Variants in ADARB2 observed in about 807,000 individuals in gnomAD.
ADARB2 encodes adenosine deaminase RNA specific B2 (inactive), also known as inactive double-stranded RNA-specific editase B2.
Under a neutral mutation model 62.2 loss-of-function variants are expected in ADARB2, and 25 were observed. The ratio of observed to expected loss-of-function variants is 0.40; its 90% CI spans 0.29 to 0.56. The LOEUF (loss-of-function observed/expected upper bound fraction) is 0.56. Among genes scored for constraint, ADARB2 ranks in the 20% least tolerant of loss-of-function variants. The pLI is 0.43. For missense variants in ADARB2, 1,071 were observed against 1,077.4 expected (o/e 0.99, Z 0.08); for synonymous variants, 572 against 500.8 (o/e 1.14, Z -1.90).
intron 3 of ADARB2, among the ~76,000 whole-genome samples, chr10:1,328,664 C>T (rs763309488): frequency 6.6e-6 from 1 of 152,236 alleles, no homozygotes; most frequent in African/African-American, 2.4e-5. Context: ...CAGAGCTTGG[C>T]ATGTAAAACT....
At chr10:1,473,926 G>C (rs553822392) in intron 1 of ADARB2, among the ~76,000 whole-genome samples, 4 of 152,244 alleles carry the variant, frequency 2.6e-5, no homozygotes, top group Non-Finnish European at 2.9e-5. Flanking sequence ...GGCCGATTAC[G>C]GAGGAGCCCT....
chr10:1,456,121 A>G (rs1831092367), intron 1 of ADARB2, among the ~76,000 whole-genome samples: 1 of 152,224 alleles, frequency 6.6e-6, no homozygotes, highest in South Asian at 2.1e-4. Flanking sequence ...AAGATTTAAG[A>G]TCAATGAAAC....
intron 1 of ADARB2, among the ~76,000 whole-genome samples, chr10:1,683,769 CT>C (rs1274927003): frequency 6.6e-6 from 1 of 152,204 alleles, no homozygotes; most frequent in Non-Finnish European, 1.5e-5. Context: ...GAAATTGTAG[CT>C]TGGAAATGAT....
chr10:1,578,170 G>A (rs1244100334), intron 1 of ADARB2, among the ~76,000 whole-genome samples: 1 of 152,172 alleles, frequency 6.6e-6, no homozygotes, highest in African/African-American at 2.4e-5. Flanking sequence ...TTTGAACGAG[G>A]TGAACTTAAG....
intron 1 of ADARB2, among the ~76,000 whole-genome samples, chr10:1,641,921 G>A (rs946544467): frequency 6.6e-6 from 1 of 152,114 alleles, no homozygotes; most frequent in Non-Finnish European, 1.5e-5. Flanking sequence ...GCTGAGGCAG[G>A]AGAATCACTT....
intron 1 of ADARB2, among the ~76,000 whole-genome samples, chr10:1,582,461 A>G (rs1833117761): frequency 6.6e-6 from 1 of 152,238 alleles, no homozygotes; most frequent in Admixed American, 6.5e-5. Context: ...TGGCAGTGTC[A>G]GAAGACCAGA....
At chr10:1,578,765 C>G (rs1588309956) in intron 1 of ADARB2, among the ~76,000 whole-genome samples, 1 of 151,830 alleles carries the variant, frequency 6.6e-6, no homozygotes, top group African/African-American at 2.4e-5. Context: ...TATGTTTATA[C>G]ACACAGGTAC....
intron 1 of ADARB2, among the ~76,000 whole-genome samples, chr10:1,562,758 C>A (rs1588303870): frequency 6.6e-6 from 1 of 152,360 alleles, no homozygotes; most frequent in East Asian, 1.9e-4. Context: ...CACTTCTTTG[C>A]CTCACGTTCT....
intron 8 of ADARB2, among the ~76,000 whole-genome samples, chr10:1,190,788 C>T (rs1025540728): frequency 6.6e-6 from 1 of 152,374 alleles, no homozygotes; most frequent in African/African-American, 2.4e-5. Flanking sequence ...AGATCATCTT[C>T]CATCTCACGA....
At chr10:1,709,523 C>A (rs1834927655) in intron 1 of ADARB2, among the ~76,000 whole-genome samples, 1 of 152,190 alleles carries the variant, frequency 6.6e-6, no homozygotes, top group South Asian at 2.1e-4. Flanking sequence ...GCCGGGCTTT[C>A]TTTTCCATTT....
At chr10:1,216,756 C>A in intron 7 of ADARB2, 195 bp downstream of exon 7, 1 of 730,374 alleles carries the variant, frequency 1.4e-6, no homozygotes, top group South Asian at 1.9e-5. Flanking sequence ...CCCTCAGGGA[C>A]TCGGGGTGCC....
intron 5 of ADARB2, among the ~76,000 whole-genome samples, chr10:1,234,501 C>T (rs1204751170): frequency 5.9e-5 from 9 of 152,048 alleles, no homozygotes; most frequent in South Asian, 2.1e-4. Flanking sequence ...AGTGCAGTAG[C>T]GTGATCACGG....
In ADARB2 at chr10:1,603,100, AACACACACACCTAT is replaced by A. The variant is rs531928838; in HGVS notation, c.100+133937_100+133950del. On this transcript the variant is annotated intron_variant, in intron 1 of 9. Coordinates refer to ENST00000381312, the MANE Select transcript of ADARB2 (RefSeq NM_018702.4). ...ACACCTGTACACACATACACACATC[AACACACACACCTAT>A]ACACACACACCTATACACACATAAA... 4.7e-3 allele frequency among the ~76,000 whole-genome samples: 702 copies of A among 149,848 alleles called. 2 individuals are homozygous for A. Among genetic ancestry groups the A allele is most frequent in the African/African-American group, 0.016 (643 of 40,378 alleles).
Position 1,199,928 on chromosome 10 carries a change from G to A in ADARB2, c.1864+38C>T. 2.0e-6 allele frequency: 3 copies of A among 1,473,378 alleles called. 1 individual carries two copies. In the South Asian group the frequency reaches 4.2e-5, roughly 21 times the overall value. The allele number at this position is 1,473,378 out of a possible 1,614,324, so 91.3% of individuals were successfully genotyped here. A position where few individuals can be genotyped will look rare whatever the true frequency, so the allele number is the denominator to read the frequency against. ...CACACCTGTGTCTGGCCTGGTGGTG[G>A]GAAGGAGGTGGAGGGCCCCCGGGAA... is the stretch of plus-strand genomic sequence containing the variant. On this transcript the variant is annotated intron_variant, in intron 8 of 9. Transcript: ENST00000381312.
At chr10:1,320,188 C>G (rs1831782639) in intron 3 of ADARB2, among the ~76,000 whole-genome samples, 1 of 152,198 alleles carries the variant, frequency 6.6e-6, no homozygotes, top group Non-Finnish European at 1.5e-5. Context: ...TTGAGTCCCT[C>G]CCATGAGGCT....
chr10:1,324,956 C>G (rs926762017), intron 3 of ADARB2, among the ~76,000 whole-genome samples: 5 of 152,220 alleles, frequency 3.3e-5, no homozygotes, highest in African/African-American at 1.2e-4. Context: ...CAAGGTATAA[C>G]TACTGAGGGA....
At chr10:1,467,051 T>C (rs1022256892) in intron 1 of ADARB2, among the ~76,000 whole-genome samples, 2 of 152,022 alleles carry the variant, frequency 1.3e-5, no homozygotes, top group African/African-American at 4.8e-5. Context: ...AGCATCTCTC[T>C]CTCTCTCTCT....
chr10:1,345,762 C>T (rs906450607), intron 3 of ADARB2, among the ~76,000 whole-genome samples: 1 of 152,210 alleles, frequency 6.6e-6, no homozygotes, highest in African/African-American at 2.4e-5. Context: ...CTATTCTTAG[C>T]ATTTGAATTC....
intron 3 of ADARB2, among the ~76,000 whole-genome samples, chr10:1,284,572 T>C (rs1319511600): frequency 6.6e-6 from 1 of 152,156 alleles, no homozygotes; most frequent in Non-Finnish European, 1.5e-5. Flanking sequence ...ACCCAACAAC[T>C]ATGTGAAGAA....
Sources: allele counts gnomAD v4.1 joint callset (sites outside exome capture counted in the v4.1 genomes callset), GRCh38; gene constraint gnomAD v4.1.1; transcripts MANE v1.5; gene names NCBI Gene and HGNC (gene_info 2026-07-23, HGNC 2026-07-21).